The following CACNA1G variants were observed in gnomAD, a reference collection of about 807,000 sequenced individuals.
The protein encoded by CACNA1G is calcium voltage-gated channel subunit alpha1 G.
Under a neutral mutation model 219.4 loss-of-function variants are expected in CACNA1G, and 67 were observed. That is an observed-to-expected ratio of 0.31 (90% CI 0.25 to 0.37). The LOEUF is 0.37. Ranked by LOEUF, CACNA1G falls within the 10% of genes least tolerant of loss-of-function variation. CACNA1G has a pLI of 1.00. For synonymous variants in CACNA1G, 1,296 were observed against 1,345.3 expected (o/e 0.96, Z 0.80); for missense variants, 2,380 against 3,231.4 (o/e 0.74, Z 6.39).
chr17:50,620,159 G>C (rs1025062944), intron 34 of CACNA1G, among the ~76,000 whole-genome samples: 1 of 152,078 alleles, frequency 6.6e-6, no homozygotes, highest in Admixed American at 6.5e-5. Context: ...GGGGACCTTA[G>C]GGGGTGGAGG....
intron 1 of CACNA1G, among the ~76,000 whole-genome samples, chr17:50,567,328 G>A (rs1162456732): frequency 6.6e-6 from 1 of 152,180 alleles, no homozygotes; most frequent in Non-Finnish European, 1.5e-5. Flanking sequence ...GACAGGTGGC[G>A]AGCAGGCATG....
chr17:50,624,793 T>A (rs532109631), intron 37 of CACNA1G, among the ~76,000 whole-genome samples: 6 of 152,164 alleles, frequency 3.9e-5, no homozygotes. Flanking sequence ...CATGCCTATC[T>A]GGTCGGAGGT....
At chr17:50,602,935 G>T in intron 20 of CACNA1G, 47 bp downstream of exon 20, 1 of 1,612,064 alleles carries the variant, frequency 6.2e-7, no homozygotes, top group Non-Finnish European at 8.5e-7. Context: ...CCTGGTGGGG[G>T]TGGAGACAGC....
chr17:50,595,207 G>A, intron 14 of CACNA1G, 146 bp downstream of exon 14: 3 of 664,014 alleles, frequency 4.5e-6, no homozygotes, highest in Non-Finnish European at 5.2e-6. Flanking sequence ...TGTGAGGTTT[G>A]CTTCGATTTT....
In CACNA1G at chr17:50,572,791, C is replaced by G. The variant is rs1439725729; in HGVS notation, c.984C>G (p.His328Gln). Residue 328 changes from histidine (H) to glutamine (Q), a missense_variant, in exon 6 of 38, where the codon CAC (histidine) becomes CAG (glutamine). This residue lies in a region of CACNA1G where 72 missense variants were observed against 175.8 expected (regional missense o/e 0.41). Transcript: ENST00000359106. Reference sequence around the variant, plus strand: ...ACACCAACTGCTCAGCGGGGGAGCACAACCCCTTCAAGGGCGCCATCAACT... The same window carrying G: ...ACACCAACTGCTCAGCGGGGGAGCAGAACCCCTTCAAGGGCGCCATCAACT... ...QYYTNCSAGE[H>Q]NPFKGAINFD... 6.2e-7 allele frequency: 1 copy of G among 1,613,918 alleles called. No homozygotes were observed. The highest frequency in any genetic ancestry group is 1.3e-5 in the African/African-American group (1 of 74,928).
In CACNA1G at chr17:50,573,108, A is replaced by C. The variant is rs1323353704; in HGVS notation, c.1135A>C (p.Ile379Leu). Residue 379 changes from isoleucine to leucine, a missense_variant, in exon 7 of 38, where the codon ATC becomes CTC. Ile to Leu is a conservative substitution (Grantham distance 5). Transcript: ENST00000359106. ...CAATTTCATCTACTTCATCCTCCTC[A>C]TCATCGTGAGTGACTCCTCAGATCC... ...FYNFIYFILLIIVGSFFMINL... is the reference protein window; with the variant it reads ...FYNFIYFILLLIVGSFFMINL... The C allele has an allele frequency of 1.3e-6, 2 of 1,565,670 alleles. No homozygotes were observed. Among genetic ancestry groups the C allele is most frequent in the Non-Finnish European group, 1.7e-6 (2 of 1,153,390 alleles).
chr17:50,580,392 C>G (rs2041689660), intron 9 of CACNA1G, among the ~76,000 whole-genome samples: 2 of 151,980 alleles, frequency 1.3e-5, no homozygotes, highest in South Asian at 4.2e-4. Flanking sequence ...GTCAGGTGCC[C>G]CTCCCCCAGG....
intron 35 of CACNA1G, among the ~76,000 whole-genome samples, chr17:50,623,263 A>ATTTTTTTTTTT (rs35058899): frequency 5.9e-5 from 3 of 50,984 alleles, no homozygotes; most frequent in African/African-American, 2.9e-4. Context: ...TATCCAGCTA[A>ATTTTTTTTTTT]TTTTTTTTTT....
Position 50,578,131 on chromosome 17 carries a change from C to A in CACNA1G, c.1925-57C>A. On this transcript the variant is annotated intron_variant, in intron 8 of 37. Coordinates refer to ENST00000359106, the MANE Select transcript of CACNA1G (RefSeq NM_018896.5). The surrounding 1 kb of genome is among the most constrained non-coding windows in gnomAD (Gnocchi z 4.5). ...ACTCATTTTACACATACTCACAGGG[C>A]AGGGTAGCCCCAGGTACGAGACTCT... 6.7e-7 allele frequency: 1 copy of A among 1,493,990 alleles called. No homozygotes were observed. Among genetic ancestry groups the A allele is most frequent in the Non-Finnish European group, 8.9e-7 (1 of 1,126,548 alleles). 92.5% of individuals were successfully genotyped at this position (1,493,990 alleles called of 1,614,324 possible).
At position 50,596,825 on chromosome 17, in the gene CACNA1G, A is replaced by C; in HGVS notation, c.3160A>C (p.Thr1054Pro). The part of the protein sequence containing the change: ...AATPMSLPKS[T>P]STGLGEALGP... ...CACACCCATGTCGCTGCCCAAGAGCACCAGCACGGGCCTGGGCGAGGCGCT... is the reference window on the plus strand; with the variant it reads ...CACACCCATGTCGCTGCCCAAGAGCCCCAGCACGGGCCTGGGCGAGGCGCT... Residue 1054 changes from threonine (T) to proline (P), a missense_variant, in exon 16 of 38, where the codon ACC (threonine) becomes CCC (proline). Coordinates refer to ENST00000359106, the MANE Select transcript of CACNA1G (RefSeq NM_018896.5). The surrounding 1 kb of genome is among the most constrained non-coding windows in gnomAD (Gnocchi z 4.8). 1 of 1,609,596 alleles carries C rather than the reference A, an allele frequency of 6.2e-7. No individual in the cohort carries two copies. The highest frequency in any genetic ancestry group is 8.5e-7 in the Non-Finnish European group (1 of 1,178,876).
chr17:50,617,049 A>G lies in CACNA1G; in HGVS notation c.5022-389A>G, dbSNP rs2050746392. Among the ~76,000 whole-genome samples, 1 of 151,976 alleles carries G rather than the reference A, an allele frequency of 6.6e-6. No homozygotes were observed. Among genetic ancestry groups the G allele is most frequent in the Non-Finnish European group, 1.5e-5 (1 of 67,996 alleles). ...TTTTTAGTAGATACAGGGTCTCACT[A>G]TGTTGCCCAGGCTGTTCTCGAACTC... On this transcript the variant is annotated intron_variant, in intron 28 of 37. Transcript: ENST00000359106. The surrounding 1 kb of genome is among the most constrained non-coding windows in gnomAD (Gnocchi z 5.8).
chr17:50,564,764 C>A (rs2144402483), intron 1 of CACNA1G, among the ~76,000 whole-genome samples: 1 of 152,216 alleles, frequency 6.6e-6, no homozygotes, highest in Middle Eastern at 3.4e-3. Context: ...GTCTCTTCAT[C>A]AATTCCCTCC....
chr17:50,561,588 C>A lies in CACNA1G; in HGVS notation c.129C>A (p.Ser43Arg). The A allele has an allele frequency of 6.4e-7, 1 of 1,567,818 alleles. No homozygotes were observed. Among genetic ancestry groups the A allele is most frequent in the Non-Finnish European group, 8.6e-7 (1 of 1,159,216 alleles). The part of the protein sequence containing the change: ...GPGSAEKDPG[S>R]ADSEAEGLPY... ...GGTCAGCAGAAAAGGACCCGGGCAG[C>A]GCGGACTCCGAGGCGGAGGGGCTGC... The change falls in exon 1 of 38, where the codon AGC becomes AGA. Residue 43 changes from serine to arginine, a missense_variant. Transcript: ENST00000359106.
Position 50,571,912 on chromosome 17 carries a change from G to T in CACNA1G, c.621G>T (p.Thr207=), listed in dbSNP as rs556944469. Reference sequence around the variant, plus strand: ...TCCTTGTCACGTTGCTGCTGGATACGCTGCCCATGCTGGGCAACGTCCTGC... The same window carrying T: ...TCCTTGTCACGTTGCTGCTGGATACTCTGCCCATGCTGGGCAACGTCCTGC... The part of the protein sequence containing the change: ...MRILVTLLLD[T]LPMLGNVLLL... Residue 207 remains threonine (T), a synonymous_variant, in exon 5 of 38, where the codon ACG becomes ACT. Transcript: ENST00000359106. The surrounding 1 kb of genome is among the most constrained non-coding windows in gnomAD (Gnocchi z 4.3). 158 of 1,613,856 alleles carry T rather than the reference G, an allele frequency of 9.8e-5. No individual in the cohort carries two copies. In the East Asian group the frequency reaches 3.4e-3, roughly 34 times the overall value.
At chr17:50,615,542 C>T in intron 27 of CACNA1G, 30 bp downstream of exon 27, 1 of 1,604,484 alleles carries the variant, frequency 6.2e-7, no homozygotes, top group Non-Finnish European at 8.5e-7. Flanking sequence ...CCATCTGGCC[C>T]CCCCACCTCC....
In CACNA1G at chr17:50,560,743, G is replaced by A. The variant is rs991158191; in HGVS notation, c.-717G>A. ...CGCGGGGCTCCTCGCCGCCGCTTTC[G>A]CTCGCTCGCTCCGCGTCTCGGCCGG... On this transcript the variant is annotated 5_prime_UTR_variant, in exon 1 of 38. Transcript: ENST00000359106. Among the ~76,000 whole-genome samples the A allele has an allele frequency of 2.0e-5, 3 of 152,162 alleles. No individual in the cohort carries two copies. Among genetic ancestry groups the A allele is most frequent in the Admixed American group, 6.5e-5 (1 of 15,286 alleles).
intron 9 of CACNA1G, among the ~76,000 whole-genome samples, chr17:50,583,742 G>A (rs1021475384): frequency 1.3e-5 from 2 of 152,186 alleles, no homozygotes; most frequent in African/African-American, 4.8e-5. Flanking sequence ...TGCACAGGGT[G>A]GCACTCGATG....
Position 50,578,657 on chromosome 17 carries a change from C to T in CACNA1G, c.2301+93C>T. ...CCCTCCGCACCCCTCCTCCTGAGCT[C>T]AGCTTCCTCTCCATGCTGCTAGCCC... On this transcript the variant is annotated intron_variant, in intron 9 of 37. Transcript: ENST00000359106. The surrounding 1 kb of genome is among the most constrained non-coding windows in gnomAD (Gnocchi z 4.5). The T allele has an allele frequency of 7.7e-7, 1 of 1,300,776 alleles. No individual in the cohort carries two copies. Among genetic ancestry groups the T allele is most frequent in the Admixed American group, 2.6e-5 (1 of 38,536 alleles). 80.6% of individuals were successfully genotyped at this position (1,300,776 alleles called of 1,614,324 possible). A position where few individuals can be genotyped will look rare whatever the true frequency, so the allele number is the denominator to read the frequency against.
intron 36 of CACNA1G, 51 bp from the exon 37 acceptor site, chr17:50,624,309 T>A: frequency 6.8e-7 from 1 of 1,470,632 alleles, no homozygotes; most frequent in Non-Finnish European, 9.3e-7. Context: ...CCCTGAACCC[T>A]CCAGCTCCAT....
Sources: allele counts gnomAD v4.1 joint callset (sites outside exome capture counted in the v4.1 genomes callset), GRCh38; gene constraint gnomAD v4.1.1; regional missense constraint gnomAD v4.1.1; non-coding constraint Gnocchi (gnomAD v3.1); transcripts MANE v1.5; gene names NCBI Gene and HGNC (gene_info 2026-07-23, HGNC 2026-07-21).